The following CNTN5 variants were observed in gnomAD, a reference collection of about 807,000 sequenced individuals.
CNTN5 encodes the protein contactin 5.
CNTN5 carries 77 observed loss-of-function variants against 129.1 expected under a neutral mutation model. The ratio of observed to expected loss-of-function variants is 0.60; its 90% CI spans 0.50 to 0.72. The LOEUF is 0.72. CNTN5 is among the 30% of genes least tolerant of loss of function. The probability of loss-of-function intolerance (pLI) is 0.00; values close to 1 mark genes in which losing one functional copy is unlikely to be tolerated. For synonymous variants in CNTN5, 509 were observed against 465.6 expected, an observed-to-expected ratio of 1.09 and a Z score of -1.20; for missense variants, 1,478 against 1,328.8, an observed-to-expected ratio of 1.11 and a Z score of -1.75.
intron 6 of CNTN5, among the ~76,000 whole-genome samples, chr11:99,865,604 ATTAC>A (rs1948334260): frequency 6.6e-6 from 1 of 152,026 alleles, no homozygotes; most frequent in African/African-American, 2.4e-5. Context: ...AATCTAAACA[ATTAC>A]TTACAATGAA....
chr11:99,678,251 A>G (rs1326952699), intron 3 of CNTN5, among the ~76,000 whole-genome samples: 3 of 152,108 alleles, frequency 2.0e-5, no homozygotes, highest in Admixed American at 2.0e-4. Context: ...TTAAGTAGCA[A>G]GTAAGTTTTT....
intron 2 of CNTN5, among the ~76,000 whole-genome samples, chr11:99,440,867 T>A (rs960680218): frequency 6.6e-6 from 1 of 152,214 alleles, no homozygotes; most frequent in African/African-American, 2.4e-5. Context: ...GGATACGTAA[T>A]TAGCTGTGTG....
intron 2 of CNTN5, among the ~76,000 whole-genome samples, chr11:99,530,763 T>A (rs932656491): frequency 3.9e-5 from 6 of 152,192 alleles, no homozygotes; most frequent in African/African-American, 1.4e-4. Context: ...GTTTATCAGG[T>A]GTTTCCGCTT....
At chr11:99,561,733 C>T (rs947309708) in intron 3 of CNTN5, among the ~76,000 whole-genome samples, 6 of 152,288 alleles carry the variant, frequency 3.9e-5, no homozygotes, top group African/African-American at 9.6e-5. Context: ...CCAAAACTTT[C>T]GAAGTCATCA....
intron 2 of CNTN5, among the ~76,000 whole-genome samples, chr11:99,520,567 T>C (rs1240370740): frequency 6.6e-6 from 1 of 152,126 alleles, no homozygotes; most frequent in African/African-American, 2.4e-5. Flanking sequence ...CAGAGTATCT[T>C]GTCCTGAGAC....
At chr11:100,266,474 T>C (rs909563287) in intron 17 of CNTN5, among the ~76,000 whole-genome samples, 3 of 152,110 alleles carry the variant, frequency 2.0e-5, no homozygotes, top group African/African-American at 4.8e-5. Context: ...CTCCATAATA[T>C]TGCATTTCAA....
chr11:99,646,375 A>G (rs1473488087), intron 3 of CNTN5, among the ~76,000 whole-genome samples: 1 of 152,172 alleles, frequency 6.6e-6, no homozygotes, highest in Non-Finnish European at 1.5e-5. Flanking sequence ...TTCTATCTGC[A>G]TTGACACTTT....
intron 8 of CNTN5, among the ~76,000 whole-genome samples, chr11:99,987,523 G>A (rs1938763878): frequency 3.2e-5 from 1 of 31,408 alleles, no homozygotes; most frequent in Non-Finnish European, 6.7e-5. Flanking sequence ...ATGTATTTAT[G>A]AATATATATA....
intron 6 of CNTN5, among the ~76,000 whole-genome samples, chr11:99,883,026 A>G (rs1402757543): frequency 6.6e-6 from 1 of 152,152 alleles, no homozygotes; most frequent in African/African-American, 2.4e-5. Context: ...AGTTCCATCC[A>G]TGTTGTTGCA....
At chr11:100,208,723 GTCTCAT>G (rs1948963573) in intron 15 of CNTN5, among the ~76,000 whole-genome samples, 2 of 152,154 alleles carry the variant, frequency 1.3e-5, no homozygotes, top group Admixed American at 1.3e-4. Context: ...ATCCACAGAA[GTCTCAT>G]TCAATCATGG....
intron 3 of CNTN5, among the ~76,000 whole-genome samples, chr11:99,724,850 A>G (rs576119648): frequency 3.3e-5 from 5 of 152,328 alleles, no homozygotes; most frequent in Admixed American, 6.5e-5. Context: ...TTACTATACT[A>G]CAAGCTGTTA....
intron 1 of CNTN5, among the ~76,000 whole-genome samples, chr11:99,115,227 C>A (rs981901154): frequency 2.0e-5 from 3 of 152,068 alleles, no homozygotes; most frequent in African/African-American, 7.2e-5. Flanking sequence ...TCTGGCTTTT[C>A]CTGCAATTAG....
At chr11:99,923,769 A>ATCTG (rs1173640949) in intron 7 of CNTN5, among the ~76,000 whole-genome samples, 6 of 148,640 alleles carry the variant, frequency 4.0e-5, no homozygotes, top group African/African-American at 1.3e-4. Flanking sequence ...CTATCTATCT[A>ATCTG]TCTATCTATC....
chr11:99,343,323 G>A (rs1190978638), intron 2 of CNTN5, among the ~76,000 whole-genome samples: 1 of 152,182 alleles, frequency 6.6e-6, no homozygotes, highest in East Asian at 1.9e-4. Flanking sequence ...CCAAAGAATA[G>A]CCTGTGGACC....
At chr11:99,862,126 C>T (rs1948225543) in intron 6 of CNTN5, among the ~76,000 whole-genome samples, 2 of 152,058 alleles carry the variant, frequency 1.3e-5, no homozygotes, top group Admixed American at 1.3e-4. Context: ...ACAAAACATA[C>T]AAATTAACTG....
intron 1 of CNTN5, among the ~76,000 whole-genome samples, chr11:99,289,196 A>G (rs529588079): frequency 6.6e-6 from 1 of 151,974 alleles, no homozygotes; most frequent in African/African-American, 2.4e-5. Context: ...TCATTATGCT[A>G]TTATCTTCCT....
chr11:99,392,276 T>A (rs907259196), intron 2 of CNTN5, among the ~76,000 whole-genome samples: 1 of 151,760 alleles, frequency 6.6e-6, no homozygotes, highest in African/African-American at 2.4e-5. Flanking sequence ...TACATATAAG[T>A]ACTAGAGTTT....
intron 8 of CNTN5, among the ~76,000 whole-genome samples, chr11:99,989,007 T>G (rs1482533567): frequency 6.6e-6 from 1 of 152,182 alleles, no homozygotes; most frequent in Non-Finnish European, 1.5e-5. Flanking sequence ...AGGTGATTTA[T>G]GATTAATTTG....
intron 9 of CNTN5, among the ~76,000 whole-genome samples, chr11:100,036,501 G>A (rs1324798491): frequency 5.9e-4 from 86 of 145,668 alleles, no homozygotes; most frequent in Non-Finnish European, 7.0e-4. Context: ...CCAATTCTGT[G>A]AAGAAAGTCA....
Sources: gnomAD v4.1 joint callset for allele counts (sites outside exome capture counted in the v4.1 genomes callset) on GRCh38, gnomAD v4.1.1 for gene constraint, MANE v1.5 for transcripts, NCBI Gene and HGNC (gene_info 2026-07-23, HGNC 2026-07-21) for gene names.